The following UACA variants were observed in gnomAD, a reference collection of about 807,000 sequenced individuals.
The protein encoded by UACA is nuclear membrane binding protein.
Under a neutral mutation model 160.5 loss-of-function variants are expected in UACA, and 112 were observed. The ratio of observed to expected loss-of-function variants is 0.70; its 90% confidence interval spans 0.60 to 0.82. The LOEUF (loss-of-function observed/expected upper bound fraction) is 0.82, where lower values mean the gene tolerates loss of function less well. Among genes scored for constraint, UACA ranks in the 40% least tolerant of loss-of-function variants. The probability of loss-of-function intolerance (pLI) is 0.00; values close to 1 mark genes in which losing one functional copy is unlikely to be tolerated. For synonymous variants in UACA, 557 were observed against 568.4 expected, an observed-to-expected ratio of 0.98 and a Z score of 0.29; for missense variants, 1,574 against 1,614.6, an observed-to-expected ratio of 0.97 and a Z score of 0.43.
At chr15:70,760,805 C>CAAA (rs34530236) in intron 1 of UACA, among the ~76,000 whole-genome samples, 2 of 62,996 alleles carry the variant, frequency 3.2e-5, no homozygotes, top group East Asian at 5.1e-4. Context: ...GACTCCGTCT[C>CAAA]AAAAAAAAAA....
chr15:70,682,693 A>T, intron 9 of UACA, 65 bp downstream of exon 9: 1 of 962,618 alleles, frequency 1.0e-6, no homozygotes, highest in East Asian at 3.1e-5. Context: ...ACTATTAACT[A>T]GTTTTACTAA....
chr15:70,658,158 T>C (rs145889120), intron 18 of UACA, among the ~76,000 whole-genome samples: 199 of 152,330 alleles, frequency 1.3e-3, no homozygotes, highest in South Asian at 7.3e-3. Context: ...AATAAGATTA[T>C]ATAACACATA....
At chr15:70,767,349 G>T (rs1038277010), upstream of UACA, among the ~76,000 whole-genome samples, 1 of 151,984 alleles carries the variant, frequency 6.6e-6, no homozygotes, top group African/African-American at 2.4e-5. Context: ...AGGACTTTGG[G>T]AGGCCAAAGT....
At chr15:70,703,727 G>A (rs1898444550) in intron 1 of UACA, among the ~76,000 whole-genome samples, 1 of 152,086 alleles carries the variant, frequency 6.6e-6, no homozygotes, top group Non-Finnish European at 1.5e-5. Flanking sequence ...GTGTGTCCTA[G>A]TATTATGGAT....
intron 13 of UACA, among the ~76,000 whole-genome samples, chr15:70,674,964 G>A (rs764263855): frequency 1.9e-4 from 29 of 152,098 alleles, no homozygotes; most frequent in South Asian, 4.1e-4. Context: ...AAATAGTACC[G>A]AAATTATATT....
intron 18 of UACA, among the ~76,000 whole-genome samples, chr15:70,657,997 G>A (rs562850531): frequency 1.6e-4 from 24 of 151,836 alleles, no homozygotes; most frequent in East Asian, 9.8e-4. Context: ...GGTTGAGGGA[G>A]GATGATCACT....
intron 1 of UACA, among the ~76,000 whole-genome samples, chr15:70,757,247 T>C (rs752948272): frequency 1.3e-5 from 2 of 152,220 alleles, no homozygotes; most frequent in Non-Finnish European, 2.9e-5. Flanking sequence ...ATCAAAATTA[T>C]TGTATGACAA....
At chr15:70,739,888 C>G (rs1469163) in intron 1 of UACA, among the ~76,000 whole-genome samples, 28,077 of 152,098 alleles carry the variant, frequency 0.18, 4,014 homozygotes, top group African/African-American at 0.4. Context: ...TCTCTTCCCA[C>G]TTCATGCATG....
At chr15:70,745,775 T>G (rs1899688513) in intron 1 of UACA, among the ~76,000 whole-genome samples, 1 of 152,034 alleles carries the variant, frequency 6.6e-6, no homozygotes. Flanking sequence ...TATAGACCAA[T>G]GGAACAGAAC....
intron 5 of UACA, among the ~76,000 whole-genome samples, chr15:70,689,847 A>C (rs1404621866): frequency 6.6e-6 from 1 of 152,170 alleles, no homozygotes; most frequent in Non-Finnish European, 1.5e-5. Flanking sequence ...ATCTCTAAAA[A>C]TCAGTATAAA....
At position 70,684,307 on chromosome 15, in the gene UACA, T is replaced by G; in HGVS notation, c.742A>C (p.Ile248Leu). 6.2e-7 allele frequency: 1 copy of G among 1,613,592 alleles called. No individual in the cohort carries two copies. Among genetic ancestry groups the G allele is most frequent in the Non-Finnish European group, 8.5e-7 (1 of 1,179,744 alleles). The change falls in exon 8 of 19, where the codon ATT becomes CTT. Residue 248 changes from isoleucine (I) to leucine (L), a missense_variant. Ile to Leu is a conservative substitution (Grantham distance 5). Transcript: ENST00000322954. The stretch of plus-strand genomic sequence containing the variant: ...GATGCAGTCTTCAACAAGGTTAGAA[T>G]GTCCAGATTGTCACCAATTCTTGCA... ...YYARIGDNLD[I>L]LTLLKTASEN... is the part of the protein sequence containing the mutation.
rs773821977 is a variant in UACA, at chr15:70,666,705, C to T, written c.3960+19G>A. On this transcript the variant is annotated intron_variant, in intron 16 of 18. Transcript: ENST00000322954. ...CTGGGGTTTCCAACACATAGCCGTG[C>T]AGACTACTTTGTACCTACCTTATTA... The T allele has an allele frequency of 1.3e-6, 2 of 1,565,008 alleles. No homozygotes were observed. The highest frequency in any genetic ancestry group is 8.6e-7 in the Non-Finnish European group (1 of 1,158,708).
At chr15:70,675,261 A>G (rs1052474352) in intron 13 of UACA, among the ~76,000 whole-genome samples, 2 of 152,230 alleles carry the variant, frequency 1.3e-5, no homozygotes, top group African/African-American at 2.4e-5. Context: ...TTAAAATATT[A>G]GCAATCACCA....
intron 1 of UACA, among the ~76,000 whole-genome samples, chr15:70,762,904 C>T (rs1184316645): frequency 6.6e-6 from 1 of 152,166 alleles, no homozygotes; most frequent in East Asian, 1.9e-4. Flanking sequence ...CTACCTGGTG[C>T]GAGCCCCGGC....
At chr15:70,749,994 C>T (rs2029946932) in intron 1 of UACA, among the ~76,000 whole-genome samples, 1 of 152,164 alleles carries the variant, frequency 6.6e-6, no homozygotes, top group South Asian at 2.1e-4. Flanking sequence ...AAACCCAGGA[C>T]ATTTGGAAAT....
In UACA at chr15:70,667,568, G is replaced by T; in HGVS notation, c.3116C>A (p.Thr1039Asn). ...CTTATCTCTCAAATCTTTCTGAAGG[G>T]TAAAAATCTCCTTCTTTAACTTGTC... ...ENDKLKKEIFTLQKDLRDKTV... is the reference protein window; with the variant it reads ...ENDKLKKEIFNLQKDLRDKTV... The change falls in exon 16 of 19, where the codon ACC becomes AAC. Residue 1039 changes from threonine (T) to asparagine (N), a missense_variant. By Grantham distance (65) the Thr-to-Asn change is moderately conservative. Transcript: ENST00000322954. 1 of 1,612,960 alleles carries T rather than the reference G, an allele frequency of 6.2e-7. No homozygotes were observed. The highest frequency in any genetic ancestry group is 8.5e-7 in the Non-Finnish European group (1 of 1,179,940).
At chr15:70,725,492 C>T (rs1274378714) in intron 1 of UACA, among the ~76,000 whole-genome samples, 2 of 152,114 alleles carry the variant, frequency 1.3e-5, no homozygotes, top group Non-Finnish European at 2.9e-5. Flanking sequence ...GGAACATTTG[C>T]CATCAATGGT....
At chr15:70,671,005 G>GT (rs746142056) in intron 15 of UACA, 34 bp downstream of exon 15, 1 of 1,430,964 alleles carries the variant, frequency 7.0e-7, no homozygotes, top group Non-Finnish European at 9.3e-7. Context: ...TTCTTTAAAT[G>GT]TTTTTTAAAA....
Position 70,667,897 on chromosome 15 carries a change from C to T in UACA, c.2787G>A (p.Glu929=), listed in dbSNP as rs761275966. 14 of 1,614,054 alleles carry T rather than the reference C, an allele frequency of 8.7e-6. No homozygotes were observed. Among genetic ancestry groups the T allele is most frequent in the Non-Finnish European group, 1.2e-5 (14 of 1,180,012 alleles). ...TCTGACTTAGCGAGCTCATCTTTGC[C>T]TCGTGCTCTGCCAGGCTGATGTACT... The part of the protein sequence containing the change: ...KAEYISLAEH[E]AKMSSLSQSM... The change falls in exon 16 of 19, where the codon GAG becomes GAA. Residue 929 remains glutamate, a synonymous_variant. Coordinates refer to ENST00000322954, the MANE Select transcript of UACA (RefSeq NM_018003.4).
Sources: allele counts gnomAD v4.1 joint callset (sites outside exome capture counted in the v4.1 genomes callset), GRCh38; gene constraint gnomAD v4.1.1; transcripts MANE v1.5; gene names NCBI Gene and HGNC (gene_info 2026-07-23, HGNC 2026-07-21).